The following TRAPPC12 variants were observed in gnomAD, a reference collection of about 807,000 sequenced individuals.
TRAPPC12 encodes the protein trafficking protein particle complex subunit 12.
TRAPPC12 carries 61 observed loss-of-function variants against 69.2 expected under a neutral mutation model. That is an observed-to-expected ratio of 0.88 (90% CI 0.72 to 1.09). TRAPPC12 has a LOEUF of 1.09. TRAPPC12 is among the 50% of genes least tolerant of loss of function. TRAPPC12 has a pLI of 0.00. For synonymous variants in TRAPPC12, 469 were observed against 438.9 expected, an observed-to-expected ratio of 1.07 and a Z score of -0.86; for missense variants, 1,101 against 1,016.4, an observed-to-expected ratio of 1.08 and a Z score of -1.13.
intron 5 of TRAPPC12, among the ~76,000 whole-genome samples, chr2:3,433,401 G>A (rs1466411438): frequency 6.6e-6 from 1 of 152,256 alleles, no homozygotes; most frequent in Non-Finnish European, 1.5e-5. Flanking sequence ...AGACCCTTCT[G>A]TGAGGCAGGT....
At chr2:3,450,844 A>G (rs944470589) in intron 6 of TRAPPC12, among the ~76,000 whole-genome samples, 6 of 151,932 alleles carry the variant, frequency 3.9e-5, no homozygotes, top group Non-Finnish European at 8.8e-5. Context: ...TGCCTTGGGA[A>G]TAAAACCAGT....
chr2:3,387,865 A>T lies in TRAPPC12; in HGVS notation c.242A>T (p.Asp81Val), dbSNP rs1660571455. The change falls in exon 2 of 12, where the codon GAC becomes GTC. Residue 81 changes from aspartate to valine, a missense_variant. By Grantham distance (152) the Asp-to-Val change is radical. Coordinates refer to ENST00000324266, the MANE Select transcript of TRAPPC12 (RefSeq NM_016030.6). ...LISDSPNSEG[D>V]AGDLGRVRDE... ...TCTGACTCCCCCAACAGCGAGGGCG[A>T]CGCGGGCGACCTGGGCCGAGTGCGG... The T allele has an allele frequency of 8.2e-6, 13 of 1,594,904 alleles. No homozygotes were observed. Among genetic ancestry groups the T allele is most frequent in the Admixed American group, 1.7e-5 (1 of 59,082 alleles).
At chr2:3,434,292 T>A (rs1663628181) in intron 5 of TRAPPC12, among the ~76,000 whole-genome samples, 1 of 152,230 alleles carries the variant, frequency 6.6e-6, no homozygotes, top group African/African-American at 2.4e-5. Flanking sequence ...CACAGATGGT[T>A]TCTCCAGCTG....
chr2:3,405,497 G>A (rs1196131666), intron 3 of TRAPPC12, among the ~76,000 whole-genome samples: 7 of 152,200 alleles, frequency 4.6e-5, no homozygotes. Context: ...CAGCTTCTAG[G>A]ACTGGATTGT....
chr2:3,467,983 G>A (rs1418400705), intron 9 of TRAPPC12: 6 of 152,292 alleles, frequency 3.9e-5, no homozygotes, highest in African/African-American at 1.4e-4. Context: ...TGCCGTCTCT[G>A]GTCAGAGGTC....
intron 5 of TRAPPC12, among the ~76,000 whole-genome samples, chr2:3,441,569 A>G (rs1384856517): frequency 2.0e-5 from 3 of 150,870 alleles, no homozygotes; most frequent in South Asian, 2.1e-4. Flanking sequence ...GATTTTGTCT[A>G]TTGATTTCCT....
intron 2 of TRAPPC12, 68 bp from the exon 3 acceptor site, chr2:3,401,709 G>T (rs1661453102): frequency 2.0e-6 from 2 of 1,018,830 alleles, no homozygotes; most frequent in Non-Finnish European, 2.8e-6. Flanking sequence ...GTTTAGTTAT[G>T]GGTTCTGGTT....
At chr2:3,458,192 C>G (rs1448495972) in intron 7 of TRAPPC12, 1 of 998,680 alleles carries the variant, frequency 1.0e-6, no homozygotes, top group Non-Finnish European at 1.2e-6. Flanking sequence ...CCTTGGGGGA[C>G]TGGGTGGGTT....
intron 2 of TRAPPC12, among the ~76,000 whole-genome samples, chr2:3,390,074 G>C (rs1187017575): frequency 6.6e-6 from 1 of 152,208 alleles, no homozygotes; most frequent in Non-Finnish European, 1.5e-5. Flanking sequence ...TGCTCCACAT[G>C]GGACGAAAGG....
chr2:3,438,664 A>C (rs975381531), intron 5 of TRAPPC12, among the ~76,000 whole-genome samples: 1 of 151,590 alleles, frequency 6.6e-6, no homozygotes, highest in Non-Finnish European at 1.5e-5. Context: ...CCCTTTTCCA[A>C]AGGTCTTATA....
chr2:3,449,111 TTAAAA>T (rs1466618134), intron 6 of TRAPPC12: 3 of 152,110 alleles, frequency 2.0e-5, no homozygotes, highest in African/African-American at 7.2e-5. Flanking sequence ...ATACCACGAG[TTAAAA>T]TAAATTTCCC....
In TRAPPC12 at chr2:3,479,425, G is replaced by C. The variant is rs933141982; in HGVS notation, c.2172G>C (p.Gly724=). 3.9e-5 allele frequency: 63 copies of C among 1,613,924 alleles called. No individual in the cohort carries two copies. Among genetic ancestry groups the C allele is most frequent in the Non-Finnish European group, 5.1e-5 (60 of 1,180,036 alleles). Residue 724 remains glycine, a synonymous_variant, in exon 12 of 12, where the codon GGG becomes GGC. Transcript: ENST00000324266. ...ALLEAVAGKE[G]DSFNTQCLKL... is the part of the protein sequence containing the mutation. Reference sequence around the variant, plus strand: ...TGGAGGCTGTCGCCGGCAAGGAGGGGGACAGCTTCAACACACAGTGCCTCA... The same window carrying C: ...TGGAGGCTGTCGCCGGCAAGGAGGGCGACAGCTTCAACACACAGTGCCTCA...
chr2:3,409,975 C>G (rs1479914215), intron 3 of TRAPPC12, among the ~76,000 whole-genome samples: 1 of 152,132 alleles, frequency 6.6e-6, no homozygotes, highest in Non-Finnish European at 1.5e-5. Context: ...CCCAGCAGGT[C>G]TGCCAGCGCC....
Position 3,388,239 on chromosome 2 carries a change from C to T in TRAPPC12, c.616C>T (p.Leu206Phe). 1 of 1,608,702 alleles carries T rather than the reference C, an allele frequency of 6.2e-7. No individual in the cohort carries two copies. Among genetic ancestry groups the T allele is most frequent in the Non-Finnish European group, 8.5e-7 (1 of 1,177,786 alleles). ...CCAGGTCGTGCAGCCCAGCCCCAGCCTCAGCACGTTCTTCGGAGACACGGC... is the reference window on the plus strand; with the variant it reads ...CCAGGTCGTGCAGCCCAGCCCCAGCTTCAGCACGTTCTTCGGAGACACGGC... Reference protein sequence around the residue: ...PPQVVQPSPSLSTFFGDTAAS... With the variant: ...PPQVVQPSPSFSTFFGDTAAS... Residue 206 changes from leucine (L) to phenylalanine (F), a missense_variant, in exon 2 of 12, where the codon CTC (leucine) becomes TTC (phenylalanine). Transcript: ENST00000324266.
At chr2:3,394,224 C>T (rs1436324272) in intron 2 of TRAPPC12, among the ~76,000 whole-genome samples, 3 of 152,304 alleles carry the variant, frequency 2.0e-5, no homozygotes, top group East Asian at 1.9e-4. Context: ...TCACATCCCA[C>T]TACCTAGGGT....
At chr2:3,421,524 A>C (rs1039488656) in intron 3 of TRAPPC12, among the ~76,000 whole-genome samples, 2 of 152,280 alleles carry the variant, frequency 1.3e-5, no homozygotes, top group African/African-American at 4.8e-5. Flanking sequence ...CAGAAATCTT[A>C]AGATAATCTT....
chr2:3,414,059 T>C lies in TRAPPC12; in HGVS notation c.1165-7822T>C, dbSNP rs1662205868. On this transcript the variant is annotated intron_variant, in intron 3 of 11. Transcript: ENST00000324266. The surrounding 1 kb of genome is among the most constrained non-coding windows in gnomAD (Gnocchi z 4.9). ...TCACTAAGCCAGCTCAGTATCCTTT[T>C]TATTCACGTAATACCCCCCAAAGAA... Among the ~76,000 whole-genome samples, 1 of 152,150 alleles carries C rather than the reference T, an allele frequency of 6.6e-6. No individual in the cohort carries two copies.
chr2:3,477,606 AT>A, intron 9 of TRAPPC12, 88 bp from the exon 10 acceptor site: 1 of 686,564 alleles, frequency 1.5e-6, no homozygotes, highest in Admixed American at 3.1e-5. Flanking sequence ...ATGTCTTCAT[AT>A]TCTAACATGA....
rs998675383 is a variant in TRAPPC12 at position 3,458,156 on chromosome 2, G to A, written c.1603+463G>A. ...AGCCTGGGGCAGGCTGAGGGACCTG[G>A]GCAGTTCCCTGGAGCATTGGAAACC... On this transcript the variant is annotated intron_variant, in intron 7 of 11. Coordinates refer to ENST00000324266, the MANE Select transcript of TRAPPC12 (RefSeq NM_016030.6). 4 of 1,010,830 alleles carry A rather than the reference G, an allele frequency of 4.0e-6. No individual in the cohort carries two copies. In the African/African-American group the frequency reaches 5.2e-5, roughly 13 times the overall value. The allele number at this position is 1,010,830 out of a possible 1,614,324, so 62.6% of individuals were successfully genotyped here.
Sources: allele counts gnomAD v4.1 joint callset (sites outside exome capture counted in the v4.1 genomes callset), GRCh38; gene constraint gnomAD v4.1.1; non-coding constraint Gnocchi (gnomAD v3.1); transcripts MANE v1.5; gene names NCBI Gene and HGNC (gene_info 2026-07-23, HGNC 2026-07-21).